DIP2C: variants seen among roughly 807,000 people sequenced by gnomAD.
DIP2C encodes the protein DIP2 acetate--CoA ligase C (putative), also known as disco-interacting protein 2 homolog C.
DIP2C carries 33 observed loss-of-function variants against 192.4 expected under a neutral mutation model. That is an observed-to-expected ratio of 0.17 (90% CI 0.13 to 0.23). The LOEUF is 0.23. Among genes scored for constraint, DIP2C ranks in the 10% least tolerant of loss-of-function variants. The pLI is 1.00. For synonymous variants in DIP2C, 979 were observed against 864.1 expected, an observed-to-expected ratio of 1.13 and a Z score of -2.33; for missense variants, 1,537 against 2,110.1, an observed-to-expected ratio of 0.73 and a Z score of 5.32.
intron 26 of DIP2C, among the ~76,000 whole-genome samples, chr10:347,849 CACCCAGACGCG>C (rs1958582725): frequency 9.1e-6 from 1 of 109,654 alleles, no homozygotes; most frequent in African/African-American, 3.3e-5. Flanking sequence ...ACCCCACACG[CACCCAGACGCG>C]TCGCGCATAG....
intron 36 of DIP2C, 76 bp downstream of exon 36, chr10:281,124 G>A (rs1589375823): frequency 1.2e-5 from 19 of 1,579,748 alleles, no homozygotes; most frequent in East Asian, 9.1e-5. Context: ...CTCCTCCACC[G>A]CCGTGCTCTC....
chr10:423,393 G>A (rs114468586), intron 4 of DIP2C, among the ~76,000 whole-genome samples: 322 of 152,328 alleles, frequency 2.1e-3, no homozygotes, highest in African/African-American at 7.5e-3. Context: ...GATGCTGAGG[G>A]CCTGTGCGGC....
At chr10:279,444 C>T (rs1954697067) in intron 36 of DIP2C, among the ~76,000 whole-genome samples, 1 of 152,228 alleles carries the variant, frequency 6.6e-6, no homozygotes, top group Non-Finnish European at 1.5e-5. Context: ...CCACTATCTC[C>T]TCTGCCAGGG....
rs752364159 is a variant in DIP2C at position 382,747 on chromosome 10, A to T, written c.1891T>A (p.Cys631Ser). 1.2e-6 allele frequency: 2 copies of T among 1,612,456 alleles called. No homozygotes were observed. The highest frequency in any genetic ancestry group is 1.7e-6 in the Non-Finnish European group (2 of 1,179,116). Reference protein sequence around the residue: ...DGANPWSISSCDAFLNVFQSK... With the variant: ...DGANPWSISSSDAFLNVFQSK... Reference sequence around the variant, plus strand: ...TGGAAGACATTGAGAAATGCATCGCAAGAAGAAATAGACCCTAGAGTGAAA... The same window carrying T: ...TGGAAGACATTGAGAAATGCATCGCTAGAAGAAATAGACCCTAGAGTGAAA... Residue 631 changes from cysteine (C) to serine (S), a missense_variant, in exon 17 of 37, where the codon TGC (cysteine) becomes AGC (serine). Transcript: ENST00000280886.
intron 9 of DIP2C, among the ~76,000 whole-genome samples, chr10:407,063 T>C (rs1440739888): frequency 6.6e-6 from 1 of 152,124 alleles, no homozygotes; most frequent in Non-Finnish European, 1.5e-5. Context: ...CCTCAAACAC[T>C]TGGGGAGACC....
chr10:580,567 G>T (rs774870773), intron 1 of DIP2C, among the ~76,000 whole-genome samples: 1 of 151,866 alleles, frequency 6.6e-6, no homozygotes, highest in Non-Finnish European at 1.5e-5. Flanking sequence ...CACACATGTA[G>T]GACACATGTA....
intron 1 of DIP2C, among the ~76,000 whole-genome samples, chr10:602,284 G>A (rs989275207): frequency 1.3e-5 from 2 of 152,282 alleles, no homozygotes; most frequent in African/African-American, 4.8e-5. Context: ...ACCCCAACTT[G>A]CACAGGCACC....
At chr10:607,146 C>G (rs1158047428) in intron 1 of DIP2C, among the ~76,000 whole-genome samples, 1 of 152,216 alleles carries the variant, frequency 6.6e-6, no homozygotes, top group African/African-American at 2.4e-5. Context: ...GCCCTGAAGT[C>G]CGCTGAGATT....
intron 1 of DIP2C, among the ~76,000 whole-genome samples, chr10:567,003 AG>A (rs1233674930): frequency 6.6e-6 from 1 of 152,234 alleles, no homozygotes; most frequent in African/African-American, 2.4e-5. Context: ...CTATTCAGAA[AG>A]GGAAAAATAA....
chr10:442,416 C>CA (rs1218758827), intron 3 of DIP2C, among the ~76,000 whole-genome samples: 1 of 152,110 alleles, frequency 6.6e-6, no homozygotes, highest in Non-Finnish European at 1.5e-5. Context: ...ATTCCCAGGT[C>CA]AAAAATCAAT....
intron 2 of DIP2C, among the ~76,000 whole-genome samples, chr10:478,599 TG>T (rs907213456): frequency 2.0e-5 from 3 of 149,228 alleles, no homozygotes; most frequent in African/African-American, 7.5e-5. Flanking sequence ...CCGGGCGTGC[TG>T]GGGCTGCAGA....
chr10:357,472 G>A (rs978903908), intron 23 of DIP2C, among the ~76,000 whole-genome samples: 17 of 152,304 alleles, frequency 1.1e-4, no homozygotes, highest in African/African-American at 3.6e-4. Context: ...CATTTGCCTC[G>A]GTCCTGCGAG....
chr10:462,705 G>A (rs1969891935), intron 3 of DIP2C, among the ~76,000 whole-genome samples: 2 of 152,052 alleles, frequency 1.3e-5, no homozygotes, highest in South Asian at 4.1e-4. Flanking sequence ...ACCAAAACCT[G>A]GCAGACACAC....
chr10:361,043 G>C (rs549676354), intron 22 of DIP2C, among the ~76,000 whole-genome samples: 2 of 152,120 alleles, frequency 1.3e-5, no homozygotes, highest in Admixed American at 6.5e-5. Flanking sequence ...GCTAAGCTGC[G>C]TATCAGGCCC....
chr10:548,515 GAGGGAGGCAGGCAGGC>G (rs1471939265), intron 1 of DIP2C, among the ~76,000 whole-genome samples: 3 of 150,636 alleles, frequency 2.0e-5, no homozygotes, highest in African/African-American at 4.9e-5. Context: ...AGGAGGGAGG[GAGGGAGGCAGGCAGGC>G]AGGCAGGCAG....
intron 18 of DIP2C, 115 bp downstream of exon 18, chr10:369,379 C>T (rs1960683336): frequency 2.2e-6 from 3 of 1,338,286 alleles, no homozygotes; most frequent in African/African-American, 1.5e-5. Context: ...GTGAGGCTCT[C>T]AGCCTGAGGG....
In DIP2C at chr10:596,369, G is replaced by A. The variant is rs956435405; in HGVS notation, c.85+93125C>T. The stretch of plus-strand genomic sequence containing the variant: ...TAACGAAAATTAGCCGGGCGCAGGT[G>A]CCTGTAATCCCAGCTACTTGGGAGG... On this transcript the variant is annotated intron_variant, in intron 1 of 36. Coordinates refer to ENST00000280886, the MANE Select transcript of DIP2C (RefSeq NM_014974.3). Among the ~76,000 whole-genome samples the A allele has an allele frequency of 4.6e-5, 7 of 151,830 alleles. 1 individual carries two copies. The South Asian group carries it at 1.0e-3, about 23-fold the overall frequency.
At chr10:415,707 T>C in intron 7 of DIP2C, 62 bp downstream of exon 7, 1 of 1,578,304 alleles carries the variant, frequency 6.3e-7, no homozygotes, top group African/African-American at 1.4e-5. Context: ...CAGAAAAAAA[T>C]ATCATTGTTT....
chr10:576,107 T>C (rs1454807690), intron 1 of DIP2C, among the ~76,000 whole-genome samples: 1 of 152,186 alleles, frequency 6.6e-6, no homozygotes, highest in African/African-American at 2.4e-5. Context: ...CCTGTACGGG[T>C]TTGCTGACCA....
Sources: allele counts gnomAD v4.1 joint callset (sites outside exome capture counted in the v4.1 genomes callset), GRCh38; gene constraint gnomAD v4.1.1; transcripts MANE v1.5; gene names NCBI Gene and HGNC (gene_info 2026-07-23, HGNC 2026-07-21).